Variants in SLC7A2 observed in about 807,000 individuals in gnomAD.
SLC7A2 encodes the protein solute carrier family 7 member 2, also known as cationic amino acid transporter 2.
SLC7A2 carries 48 observed loss-of-function variants against 58.9 expected under a neutral mutation model. The ratio of observed to expected loss-of-function variants is 0.82; its 90% CI spans 0.65 to 1.04. The LOEUF (loss-of-function observed/expected upper bound fraction) is 1.04. Among genes scored for constraint, SLC7A2 ranks in the 50% least tolerant of loss-of-function variants. The pLI is 0.00. For missense variants in SLC7A2, 1,029 were observed against 818.8 expected (o/e 1.26, Z -3.13); for synonymous variants, 363 against 314.5 (o/e 1.15, Z -1.63).
chr8:17,514,291 C>A (rs1344633272), intron 2 of SLC7A2, among the ~76,000 whole-genome samples: 1 of 151,786 alleles, frequency 6.6e-6, no homozygotes. Context: ...TGTCCCAAAA[C>A]ACGCATTTGA....
At chr8:17,533,376 T>C (rs1801537372) in intron 2 of SLC7A2, among the ~76,000 whole-genome samples, 1 of 152,234 alleles carries the variant, frequency 6.6e-6, no homozygotes, top group Non-Finnish European at 1.5e-5. Context: ...AAATCTCAAC[T>C]CAGTTTCCCT....
At chr8:17,524,404 ATATG>A (rs1303942804) in intron 2 of SLC7A2, among the ~76,000 whole-genome samples, 2 of 118,238 alleles carry the variant, frequency 1.7e-5, no homozygotes, top group African/African-American at 6.3e-5. Context: ...AGATATACAT[ATATG>A]TGTGTGTGTG....
chr8:17,496,755 A>C (rs1045027533), upstream of SLC7A2, among the ~76,000 whole-genome samples: 1 of 152,200 alleles, frequency 6.6e-6, no homozygotes, highest in Non-Finnish European at 1.5e-5. Flanking sequence ...AACCCCACTT[A>C]GAACTCTGCT....
At chr8:17,510,423 G>A (rs976131157) in intron 2 of SLC7A2, among the ~76,000 whole-genome samples, 2 of 152,124 alleles carry the variant, frequency 1.3e-5, no homozygotes, top group Non-Finnish European at 2.9e-5. Flanking sequence ...CGTCCACAAT[G>A]GCTGAACTAA....
At chr8:17,499,902 T>C (rs1039033510) in intron 1 of SLC7A2, 1 of 152,258 alleles carries the variant, frequency 6.6e-6, no homozygotes, top group African/African-American at 2.4e-5. Flanking sequence ...TTCATTTTAG[T>C]ACCTAATATA....
intron 2 of SLC7A2, among the ~76,000 whole-genome samples, chr8:17,533,239 A>C (rs986632128): frequency 2.0e-5 from 3 of 152,220 alleles, no homozygotes; most frequent in Non-Finnish European, 4.4e-5. Context: ...CTAACGATAA[A>C]AATCTATGCT....
intron 2 of SLC7A2, among the ~76,000 whole-genome samples, chr8:17,504,779 T>C (rs1326967122): frequency 2.6e-5 from 4 of 152,232 alleles, no homozygotes; most frequent in Non-Finnish European, 4.4e-5. Context: ...TCTTAAAAGA[T>C]TGAGTAACTG....
At chr8:17,507,488 A>G (rs2150657716) in intron 2 of SLC7A2, among the ~76,000 whole-genome samples, 1 of 152,282 alleles carries the variant, frequency 6.6e-6, no homozygotes, top group South Asian at 2.1e-4. Flanking sequence ...TGCAGGAATT[A>G]TAGGCATAAG....
intron 10 of SLC7A2, among the ~76,000 whole-genome samples, chr8:17,561,281 C>T (rs1234172452): frequency 3.3e-5 from 5 of 152,074 alleles, no homozygotes; most frequent in Non-Finnish European, 7.4e-5. Flanking sequence ...CTTACAGTTC[C>T]ACGTGGTTAG....
chr8:17,564,231 C>T (rs1416746805), intron 12 of SLC7A2, among the ~76,000 whole-genome samples: 1 of 152,204 alleles, frequency 6.6e-6, no homozygotes, highest in Non-Finnish European at 1.5e-5. Context: ...ACTCTGATAA[C>T]TCACCACTTG....
intron 1 of SLC7A2, chr8:17,500,178 A>G (rs1054928574): frequency 5.3e-5 from 8 of 152,236 alleles, no homozygotes; most frequent in African/African-American, 1.9e-4. Flanking sequence ...CTATTAAAAA[A>G]TACCACCACT....
intron 2 of SLC7A2, among the ~76,000 whole-genome samples, chr8:17,534,782 C>G (rs771530221): frequency 1.3e-5 from 2 of 151,284 alleles, no homozygotes; most frequent in Non-Finnish European, 2.9e-5. Flanking sequence ...TGTTGATTCT[C>G]TGTTATTTTT....
chr8:17,531,743 T>C (rs1801459666), intron 2 of SLC7A2, among the ~76,000 whole-genome samples: 2 of 152,082 alleles, frequency 1.3e-5, no homozygotes, highest in South Asian at 2.1e-4. Context: ...TTTCTACTTA[T>C]CAGGGAAATA....
At chr8:17,500,210 C>T (rs1800098702) in intron 1 of SLC7A2, 1 of 152,174 alleles carries the variant, frequency 6.6e-6, no homozygotes, top group African/African-American at 2.4e-5. Flanking sequence ...GATTTCAGAC[C>T]TGTCTGTGCC....
At chr8:17,503,216 A>G (rs910117416) in intron 2 of SLC7A2, among the ~76,000 whole-genome samples, 2 of 151,614 alleles carry the variant, frequency 1.3e-5, no homozygotes, top group Non-Finnish European at 1.5e-5. Context: ...ACGCCCGGCT[A>G]ATTTTTTGTA....
chr8:17,562,259 G>A (rs1803050913), intron 11 of SLC7A2, 149 bp downstream of exon 11: 8 of 783,926 alleles, frequency 1.0e-5, no homozygotes, highest in Non-Finnish European at 1.5e-5. Flanking sequence ...GGAGTGCAAT[G>A]GAGCGAAGTG....
intron 2 of SLC7A2, among the ~76,000 whole-genome samples, chr8:17,505,335 TG>T (rs1162715495): frequency 6.6e-6 from 1 of 152,164 alleles, no homozygotes. Flanking sequence ...GGGGCCTTCT[TG>T]GTCATGCATC....
Position 17,544,481 on chromosome 8 carries a change from G to C in SLC7A2, c.407G>C (p.Gly136Ala), listed in dbSNP as rs778581713. 1 of 1,613,808 alleles carries C rather than the reference G, an allele frequency of 6.2e-7. No individual in the cohort carries two copies. Among genetic ancestry groups the C allele is most frequent in the Non-Finnish European group, 8.5e-7 (1 of 1,179,894 alleles). The part of the protein sequence containing the change: ...GTSSVARAWS[G>A]TFDELLSKQI... ...TCAAGTGTTGCAAGAGCCTGGAGTG[G>C]CACCTTTGATGAACTTCTTAGCAAA... The change falls in exon 4 of 13, where the codon GGC becomes GCC. Residue 136 changes from glycine (G) to alanine (A), a missense_variant. Transcript: ENST00000494857.
intron 1 of SLC7A2, among the ~76,000 whole-genome samples, chr8:17,497,738 A>G (rs1800009999): frequency 6.6e-6 from 1 of 152,158 alleles, no homozygotes; most frequent in South Asian, 2.1e-4. Flanking sequence ...GCCGGCTTGG[A>G]GCGCTGGAAG....
Sources: gnomAD v4.1 joint callset for allele counts (sites outside exome capture counted in the v4.1 genomes callset) on GRCh38, gnomAD v4.1.1 for gene constraint, MANE v1.5 for transcripts, NCBI Gene and HGNC (gene_info 2026-07-23, HGNC 2026-07-21) for gene names.